PHF24: variants seen among roughly 807,000 people sequenced by gnomAD.
PHF24 encodes PHD finger protein 24.
A neutral mutation model predicts 42.6 loss-of-function variants in PHF24; 25 were observed. The observed-to-expected ratio is 0.59, with a 90% CI of 0.43 to 0.82. PHF24 has a LOEUF of 0.82. PHF24 is among the 40% of genes least tolerant of loss of function. PHF24 has a pLI of 0.00. For missense variants in PHF24, 470 were observed against 538.1 expected (o/e 0.87, Z 1.25); for synonymous variants, 185 against 204.8 (o/e 0.90, Z 0.83).
chr9:34,826,172 G>A, the PHF24 span, among the ~76,000 whole-genome samples: 2 of 152,128 alleles, frequency 1.3e-5, no homozygotes, highest in African/African-American at 4.8e-5. Flanking sequence ...CAGGGTCCTG[G>A]CCTCACTGTC....
the PHF24 span, among the ~76,000 whole-genome samples, chr9:34,878,929 C>T: frequency 2.0e-5 from 3 of 151,760 alleles, no homozygotes; most frequent in Non-Finnish European, 4.4e-5. Flanking sequence ...AGTGGGTCCC[C>T]CCAGTAGCCT....
the PHF24 span, among the ~76,000 whole-genome samples, chr9:34,853,445 A>G: frequency 6.6e-6 from 1 of 152,120 alleles, no homozygotes; most frequent in East Asian, 1.9e-4. Context: ...TGTCTCTGCC[A>G]GGTTTTGGTA....
the PHF24 span, among the ~76,000 whole-genome samples, chr9:34,845,541 T>C: frequency 7.9e-5 from 12 of 152,204 alleles, no homozygotes; most frequent in African/African-American, 2.9e-4. Context: ...AAGAATATGT[T>C]ATGATTACAA....
At chr9:34,954,972 A>G (rs1392828715), upstream of PHF24, among the ~76,000 whole-genome samples, 2 of 152,202 alleles carry the variant, frequency 1.3e-5, no homozygotes, top group Non-Finnish European at 2.9e-5. Context: ...TTTTTATTAC[A>G]TATTAGTTGA....
At chr9:34,769,036 A>G in the PHF24 span, among the ~76,000 whole-genome samples, 17 of 152,242 alleles carry the variant, frequency 1.1e-4, no homozygotes, top group African/African-American at 3.4e-4. Context: ...CCTTTACAAT[A>G]GCAACACAAG....
the PHF24 span, among the ~76,000 whole-genome samples, chr9:34,811,996 C>T: frequency 6.6e-6 from 1 of 152,180 alleles, no homozygotes; most frequent in African/African-American, 2.4e-5. Flanking sequence ...ATAGACATTT[C>T]TCCAAAGAAG....
the PHF24 span, among the ~76,000 whole-genome samples, chr9:34,783,494 C>T: frequency 1.3e-5 from 2 of 152,182 alleles, no homozygotes; most frequent in Admixed American, 1.3e-4. Context: ...ATAGCCCTTA[C>T]CCTATCCTAA....
At chr9:34,894,690 A>G in the PHF24 span, among the ~76,000 whole-genome samples, 1 of 152,216 alleles carries the variant, frequency 6.6e-6, no homozygotes. Flanking sequence ...GTCCTTCACC[A>G]TCACACTGGG....
chr9:34,682,315 C>G, the PHF24 span, among the ~76,000 whole-genome samples: 5 of 152,056 alleles, frequency 3.3e-5, no homozygotes, highest in East Asian at 7.7e-4. Context: ...TTCTAACCTT[C>G]AGAACTGTGA....
At chr9:34,901,850 T>G in the PHF24 span, among the ~76,000 whole-genome samples, 1 of 152,224 alleles carries the variant, frequency 6.6e-6, no homozygotes, top group Non-Finnish European at 1.5e-5. Context: ...TTGTATATGT[T>G]GAGATGCATA....
the PHF24 span, chr9:34,709,471 C>T: frequency 6.2e-7 from 1 of 1,613,810 alleles, no homozygotes; most frequent in Non-Finnish European, 8.5e-7. Context: ...CTGAGGCTCC[C>T]CTTTACCCAC....
At chr9:34,806,511 T>C in the PHF24 span, among the ~76,000 whole-genome samples, 1 of 152,160 alleles carries the variant, frequency 6.6e-6, no homozygotes, top group Non-Finnish European at 1.5e-5. Context: ...CAGGCTGGAG[T>C]GCAGTGGCAC....
chr9:34,884,567 A>T, the PHF24 span, among the ~76,000 whole-genome samples: 229 of 152,274 alleles, frequency 1.5e-3, no homozygotes, highest in African/African-American at 5.4e-3. Context: ...GACTCAGAGC[A>T]TGTGGAAATT....
chr9:34,716,706 C>T, the PHF24 span, among the ~76,000 whole-genome samples: 1 of 152,314 alleles, frequency 6.6e-6, no homozygotes, highest in African/African-American at 2.4e-5. Context: ...TCTCCAGCCT[C>T]AGCCTCCTGA....
the PHF24 span, among the ~76,000 whole-genome samples, chr9:34,913,013 G>A: frequency 2.0e-5 from 3 of 152,102 alleles, no homozygotes; most frequent in East Asian, 1.9e-4. Context: ...GGAACCTATT[G>A]GAAATTTAAA....
At chr9:34,734,227 A>G in the PHF24 span, among the ~76,000 whole-genome samples, 2 of 152,168 alleles carry the variant, frequency 1.3e-5, no homozygotes, top group African/African-American at 4.8e-5. Flanking sequence ...CGACTCCCCC[A>G]CTTCCCTCCC....
chr9:34,876,001 C>T, the PHF24 span, among the ~76,000 whole-genome samples: 1 of 148,434 alleles, frequency 6.7e-6, no homozygotes, highest in African/African-American at 2.5e-5. Flanking sequence ...CCTTCCAAGT[C>T]CCTAGCTGGA....
chr9:34,922,426 T>A, the PHF24 span: 1 of 1,361,100 alleles, frequency 7.3e-7, no homozygotes, highest in African/African-American at 1.4e-5. Context: ...CCCAGTCTGA[T>A]AGGATATGTT....
At chr9:34,949,677 G>A in the PHF24 span, among the ~76,000 whole-genome samples, 1 of 152,138 alleles carries the variant, frequency 6.6e-6, no homozygotes, top group South Asian at 2.1e-4. Flanking sequence ...CCATAAAAAA[G>A]AATGAGTTCG....
Sources: gnomAD v4.1 joint callset for allele counts (sites outside exome capture counted in the v4.1 genomes callset) on GRCh38, gnomAD v4.1.1 for gene constraint, MANE v1.5 for transcripts, NCBI Gene and HGNC (gene_info 2026-07-23, HGNC 2026-07-21) for gene names.